The following ZDHHC15 variants were observed in gnomAD, a reference collection of about 807,000 sequenced individuals.
ZDHHC15 encodes the protein zDHHC palmitoyltransferase 15.
A neutral mutation model predicts 31.7 loss-of-function variants in ZDHHC15; 19 were observed. The ratio of observed to expected loss-of-function variants is 0.60; its 90% CI spans 0.42 to 0.88. ZDHHC15 has a LOEUF of 0.88. Among genes scored for constraint, ZDHHC15 ranks in the 40% least tolerant of loss-of-function variants. ZDHHC15 has a pLI of 0.00. For synonymous variants in ZDHHC15, 103 were observed against 90.0 expected (o/e 1.14, Z -0.82); for missense variants, 209 against 251.2 (o/e 0.83, Z 1.14).
intron 1 of ZDHHC15, among the ~76,000 whole-genome samples, chrX:75,507,566 C>T (rs1049381827): frequency 9.0e-6 from 1 of 111,530 alleles, no homozygotes; most frequent in African/African-American, 3.3e-5. Context: ...CAAACTTTTA[C>T]AAAATGAATC....
chrX:75,462,426 T>C (rs926419379), intron 3 of ZDHHC15, among the ~76,000 whole-genome samples: 2 of 112,421 alleles, frequency 1.8e-5, no homozygotes, highest in African/African-American at 6.5e-5. Context: ...CAAGAGGACC[T>C]GATAGATATC....
intron 10 of ZDHHC15, among the ~76,000 whole-genome samples, chrX:75,412,927 T>A (rs2083502349): frequency 9.0e-6 from 1 of 111,521 alleles, no homozygotes; most frequent in Non-Finnish European, 1.9e-5. Context: ...GGGGGAAATG[T>A]AGGCCAAAGT....
At chrX:75,446,864 T>C (rs896191513) in intron 4 of ZDHHC15, among the ~76,000 whole-genome samples, 1 of 111,807 alleles carries the variant, frequency 8.9e-6, no homozygotes, top group African/African-American at 3.3e-5. Flanking sequence ...AGACCTCACG[T>C]CCTAATATCC....
intron 1 of ZDHHC15, among the ~76,000 whole-genome samples, chrX:75,506,767 G>A (rs2085171492): frequency 8.9e-6 from 1 of 112,134 alleles, no homozygotes; most frequent in South Asian, 3.7e-4. Context: ...GCCCTGAATT[G>A]GACTAGTAAC....
intron 4 of ZDHHC15, 132 bp downstream of exon 4, chrX:75,450,670 G>C: frequency 8.5e-7 from 1 of 1,171,722 alleles, no homozygotes; most frequent in Non-Finnish European, 1.1e-6. Context: ...GAAATAAAAT[G>C]TGGAGAAAAA....
In ZDHHC15 at chrX:75,494,771, C is replaced by A. The variant is rs188145328; in HGVS notation, c.163+11050G>T. 1.3e-3 allele frequency among the ~76,000 whole-genome samples: 148 copies of A among 112,081 alleles called. 3 individuals carry two copies. In the East Asian group the frequency reaches 0.033, roughly 25 times the overall value. ...CTGGATCCCTTCCTTACACCTTATACAAAAATTAATTCAAGATGGATTAAA... is the reference window on the plus strand; with the variant it reads ...CTGGATCCCTTCCTTACACCTTATAAAAAAATTAATTCAAGATGGATTAAA... On this transcript the variant is annotated intron_variant, in intron 2 of 11. Coordinates refer to ENST00000373367, the MANE Select transcript of ZDHHC15 (RefSeq NM_144969.3).
At chrX:75,405,992 T>C (rs1446698849) in intron 10 of ZDHHC15, among the ~76,000 whole-genome samples, 3 of 112,295 alleles carry the variant, frequency 2.7e-5, no homozygotes, top group Non-Finnish European at 5.6e-5. Context: ...TTTTCTGTCC[T>C]GATTTTTAAA....
chrX:75,492,822 G>C (rs1438384072), intron 2 of ZDHHC15, among the ~76,000 whole-genome samples: 1 of 111,708 alleles, frequency 9.0e-6, no homozygotes, highest in East Asian at 2.8e-4. Flanking sequence ...GCCCACAAGA[G>C]AAAGCAGGAA....
At chrX:75,407,353 G>C (rs190465001) in intron 10 of ZDHHC15, among the ~76,000 whole-genome samples, 1,225 of 111,771 alleles carry the variant, frequency 0.011, 21 homozygotes, top group African/African-American at 0.038. Flanking sequence ...CGTCTGGGAA[G>C]TGAGGAGTGT....
At chrX:75,431,769 A>T (rs1334131822) in intron 4 of ZDHHC15, among the ~76,000 whole-genome samples, 3 of 111,668 alleles carry the variant, frequency 2.7e-5, no homozygotes, top group Non-Finnish European at 1.9e-5. Flanking sequence ...GATATCTGTC[A>T]TAAGATCTTT....
At chrX:75,432,710 C>T (rs1482921956) in intron 4 of ZDHHC15, among the ~76,000 whole-genome samples, 1 of 111,463 alleles carries the variant, frequency 9.0e-6, no homozygotes, top group East Asian at 2.8e-4. Flanking sequence ...GGTGTAGTGG[C>T]TCATGTCTAT....
In ZDHHC15 at chrX:75,436,848, TTTTG is replaced by T. The variant is rs758140079; in HGVS notation, c.380-5332_380-5329del. On this transcript the variant is annotated intron_variant, in intron 4 of 11. Coordinates refer to ENST00000373367, the MANE Select transcript of ZDHHC15 (RefSeq NM_144969.3). ...GAATGTTCTGTAAATATCTGTTTTGTTTTGTTTGTTTTATTTTTTGTTTATTTTG... is the reference window on the plus strand; with the variant it reads ...GAATGTTCTGTAAATATCTGTTTTGTTTTGTTTTATTTTTTGTTTATTTTG... Among the ~76,000 whole-genome samples, 19 of 112,703 alleles carry T rather than the reference TTTTG, an allele frequency of 1.7e-4. No homozygotes were observed. In the South Asian group the frequency reaches 4.7e-3, roughly 28 times the overall value.
At chrX:75,477,599 AAT>A (rs775173036) in intron 3 of ZDHHC15, among the ~76,000 whole-genome samples, 4 of 111,732 alleles carry the variant, frequency 3.6e-5, no homozygotes, top group African/African-American at 6.5e-5. Context: ...CTCTTTTGTA[AAT>A]ATATGTCCTT....
intron 10 of ZDHHC15, chrX:75,384,667 C>T (rs942750560): frequency 6.9e-5 from 58 of 834,926 alleles, no homozygotes; most frequent in South Asian, 4.0e-4. Context: ...CTTCCTGAAA[C>T]GCATGAATGA....
chrX:75,407,894 T>A (rs1335424365), intron 10 of ZDHHC15, among the ~76,000 whole-genome samples: 1 of 109,777 alleles, frequency 9.1e-6, no homozygotes, highest in Non-Finnish European at 1.9e-5. Flanking sequence ...GGGATGCTGT[T>A]AATCTATAAC....
At chrX:75,403,447 T>C (rs2083378487) in intron 10 of ZDHHC15, among the ~76,000 whole-genome samples, 1 of 111,982 alleles carries the variant, frequency 8.9e-6, no homozygotes, top group Admixed American at 9.4e-5. Context: ...ACTATATCTG[T>C]TTGCAGATGA....
chrX:75,370,075 G>A lies in ZDHHC15; in HGVS notation c.*2903C>T, dbSNP rs2082991991. On this transcript the variant is annotated 3_prime_UTR_variant, in exon 12 of 12. Coordinates refer to ENST00000373367, the MANE Select transcript of ZDHHC15 (RefSeq NM_144969.3). ...AAGAACAAATCAGCAATGAGAGCATGGACAAAAGAATGGAGTACATTATTT... is the reference window on the plus strand; with the variant it reads ...AAGAACAAATCAGCAATGAGAGCATAGACAAAAGAATGGAGTACATTATTT... The A allele has an allele frequency of 9.0e-6, 1 of 111,696 alleles. No individual in the cohort carries two copies. Among genetic ancestry groups the A allele is most frequent in the Admixed American group, 9.5e-5 (1 of 10,503 alleles). The allele number at this position is 111,696 out of a possible 1,213,427, so 9.2% of individuals were successfully genotyped here.
chrX:75,491,462 T>A (rs1375425898), intron 2 of ZDHHC15, among the ~76,000 whole-genome samples: 1 of 76,559 alleles, frequency 1.3e-5, no homozygotes, highest in East Asian at 4.5e-4. Context: ...AACATCACAC[T>A]CTGGGGACTG....
intron 4 of ZDHHC15, among the ~76,000 whole-genome samples, chrX:75,440,288 T>A (rs1329105165): frequency 3.6e-5 from 4 of 111,303 alleles, no homozygotes; most frequent in African/African-American, 1.3e-4. Context: ...TTCCTTTTTT[T>A]TTTGAGATGG....
Sources: allele counts gnomAD v4.1 joint callset (sites outside exome capture counted in the v4.1 genomes callset), GRCh38; gene constraint gnomAD v4.1.1; transcripts MANE v1.5; gene names NCBI Gene and HGNC (gene_info 2026-07-23, HGNC 2026-07-21).